UGT2A2: variants seen among roughly 807,000 people sequenced by gnomAD.
The protein encoded by UGT2A2 is UDP-glucuronosyltransferase 2A2.
Under a neutral mutation model 50.7 loss-of-function variants are expected in UGT2A2, and 60 were observed. The observed-to-expected ratio is 1.18, with a 90% CI of 0.96 to 1.47. UGT2A2 has a LOEUF of 1.47. UGT2A2 is among the 40% of genes most tolerant of loss of function. The pLI is 0.00. For synonymous variants in UGT2A2, 242 were observed against 214.6 expected, an observed-to-expected ratio of 1.13 and a Z score of -1.11; for missense variants, 762 against 634.0, an observed-to-expected ratio of 1.20 and a Z score of -2.17.
At chr4:69,637,745 T>G (rs753034056) in intron 1 of UGT2A2, among the ~76,000 whole-genome samples, 2 of 152,154 alleles carry the variant, frequency 1.3e-5, no homozygotes, top group Non-Finnish European at 2.9e-5. Flanking sequence ...AGAATGTAAG[T>G]TCCATGAGAT....
At position 69,639,613 on chromosome 4, in the gene UGT2A2, G is replaced by A. The variant is rs1169537846; in HGVS notation, c.28C>T (p.Pro10Ser). 3 of 1,598,592 alleles carry A rather than the reference G, an allele frequency of 1.9e-6. No homozygotes were observed. The highest frequency in any genetic ancestry group is 4.5e-5 in the East Asian group (2 of 44,788). MVSIRDFTM[P>S]KKFVQMLVFN... ...ACCAGCATCTGGACAAACTTCTTAG[G>A]CATGGTAAAATCCCTTATGGAAACC... The change falls in exon 1 of 6, where the codon CCT (proline) becomes TCT (serine). Residue 10 changes from proline to serine, a missense_variant. Physicochemically the swap from Pro to Ser is moderately conservative, Grantham distance 74. Coordinates refer to ENST00000604629, the MANE Select transcript of UGT2A2 (RefSeq NM_001105677.2).
chr4:69,595,042 AAAT>A, intron 4 of UGT2A2, 117 bp downstream of exon 4: 1 of 1,365,676 alleles, frequency 7.3e-7, no homozygotes, highest in Non-Finnish European at 1.0e-6. Flanking sequence ...ATCTGCTTTA[AAAT>A]TGAGTGTCAA....
At chr4:69,613,050 T>A (rs1720162544) in intron 1 of UGT2A2, among the ~76,000 whole-genome samples, 1 of 125,158 alleles carries the variant, frequency 8.0e-6, no homozygotes, top group Admixed American at 7.7e-5. Flanking sequence ...ACAAATAACC[T>A]CACTAAAAAA....
intron 4 of UGT2A2, 106 bp downstream of exon 4, chr4:69,595,056 A>G: frequency 6.9e-7 from 1 of 1,439,420 alleles, no homozygotes; most frequent in South Asian, 1.2e-5. Flanking sequence ...TGAGTGTCAA[A>G]TAACATTTTA....
At position 69,622,079 on chromosome 4, in the gene UGT2A2, T is replaced by C. The variant is rs1336882247; in HGVS notation, c.742+16820A>G. On this transcript the variant is annotated intron_variant, in intron 1 of 5. Coordinates refer to ENST00000604629, the MANE Select transcript of UGT2A2 (RefSeq NM_001105677.2). ...AGTACTAGGCTTAATACCTGGGTCA[T>C]GGAATAGTCAGTACAACCAACCCCT... 4.6e-5 allele frequency among the ~76,000 whole-genome samples: 7 copies of C among 151,912 alleles called. No individual in the cohort carries two copies. In the South Asian group the frequency reaches 8.3e-4, roughly 18 times the overall value.
intron 1 of UGT2A2, among the ~76,000 whole-genome samples, chr4:69,627,177 A>G (rs1310663707): frequency 6.6e-6 from 1 of 151,932 alleles, no homozygotes; most frequent in Non-Finnish European, 1.5e-5. Flanking sequence ...AATTTTTAAC[A>G]GTAAAAATCC....
In UGT2A2 at chr4:69,590,692, ATAAG is replaced by A. The variant is rs573787235; in HGVS notation, c.1332-1045_1332-1042del. On this transcript the variant is annotated intron_variant, in intron 5 of 5. Transcript: ENST00000604629. ...GTCTGTCTGTCTAGTGAAAAAGAAT[ATAAG>A]TAAGTAATTTCACATGGATCATCCG... is the stretch of plus-strand genomic sequence containing the variant. Among the ~76,000 whole-genome samples the A allele has an allele frequency of 4.7e-4, 71 of 152,116 alleles. 2 individuals are homozygous for A. The highest frequency in any genetic ancestry group is 3.7e-3 in the South Asian group (18 of 4,812).
At chr4:69,622,612 A>T (rs1720816399) in intron 1 of UGT2A2, among the ~76,000 whole-genome samples, 1 of 151,754 alleles carries the variant, frequency 6.6e-6, no homozygotes, top group African/African-American at 2.4e-5. Context: ...TTATATATGC[A>T]TTGGATATTG....
intron 1 of UGT2A2, among the ~76,000 whole-genome samples, chr4:69,633,692 A>G (rs1159625178): frequency 1.3e-5 from 2 of 152,226 alleles, no homozygotes; most frequent in African/African-American, 2.4e-5. Flanking sequence ...TAAGCAAGAT[A>G]CAAAGGAGTA....
At chr4:69,598,433 C>A (rs1577949295) in intron 2 of UGT2A2, among the ~76,000 whole-genome samples, 3 of 151,994 alleles carry the variant, frequency 2.0e-5, no homozygotes, top group African/African-American at 7.2e-5. Flanking sequence ...TTCTTATATT[C>A]CACATTTCTT....
intron 5 of UGT2A2, among the ~76,000 whole-genome samples, chr4:69,590,213 A>T (rs1339719906): frequency 6.6e-6 from 1 of 152,106 alleles, no homozygotes; most frequent in Non-Finnish European, 1.5e-5. Context: ...GAACAAAAAT[A>T]CTCTGGTGAT....
intron 1 of UGT2A2, among the ~76,000 whole-genome samples, chr4:69,625,460 T>G (rs544962378): frequency 2.8e-4 from 42 of 151,204 alleles, no homozygotes; most frequent in Non-Finnish European, 5.6e-4. Context: ...GAAGTGATTA[T>G]TTCTCTTTAT....
chr4:69,598,593 C>T (rs1294712490), intron 2 of UGT2A2, among the ~76,000 whole-genome samples: 2 of 152,080 alleles, frequency 1.3e-5, no homozygotes, highest in Non-Finnish European at 2.9e-5. Flanking sequence ...TCTAATGCTT[C>T]CTGCTTGAAT....
In UGT2A2 at chr4:69,599,244, ACCT is replaced by A; in HGVS notation, c.890_891+1del. ...TAAAATCCTCCACTGTTGTAGACCT[ACCT>A]TAGGTAAAGGTTTGGCAGGTTTGCA... On this transcript the variant is annotated splice_donor_variant and coding_sequence_variant, in exon 2 of 6. Transcript: ENST00000604629. LOFTEE classifies it high-confidence loss of function. 1 of 1,613,142 alleles carries A rather than the reference ACCT, an allele frequency of 6.2e-7. No homozygotes were observed. Among genetic ancestry groups the A allele is most frequent in the Non-Finnish European group, 8.5e-7 (1 of 1,179,666 alleles).
intron 1 of UGT2A2, among the ~76,000 whole-genome samples, chr4:69,633,658 T>C (rs1721510476): frequency 6.6e-6 from 1 of 152,172 alleles, no homozygotes; most frequent in Non-Finnish European, 1.5e-5. Flanking sequence ...TGTACGAATT[T>C]CAAAAACATA....
chr4:69,633,964 G>A (rs893239862), intron 1 of UGT2A2, among the ~76,000 whole-genome samples: 10 of 152,164 alleles, frequency 6.6e-5, no homozygotes, highest in Non-Finnish European at 1.0e-4. Context: ...TTAAAAACCC[G>A]GCCGCGCGCG....
chr4:69,619,421 A>G (rs187763383), intron 1 of UGT2A2, among the ~76,000 whole-genome samples: 2,488 of 66,094 alleles, frequency 0.038, 34 homozygotes, highest in Non-Finnish European at 0.056. Context: ...ACATAAATAC[A>G]TAAAATAAAA....
At chr4:69,608,624 G>A (rs1719831409) in intron 1 of UGT2A2, among the ~76,000 whole-genome samples, 1 of 151,484 alleles carries the variant, frequency 6.6e-6, no homozygotes, top group Non-Finnish European at 1.5e-5. Flanking sequence ...AAGAAGGAAG[G>A]AGGGAAAAAA....
intron 1 of UGT2A2, among the ~76,000 whole-genome samples, chr4:69,600,083 AG>A (rs1719180536): frequency 6.6e-6 from 1 of 152,188 alleles, no homozygotes; most frequent in African/African-American, 2.4e-5. Context: ...CTTTGAAAAA[AG>A]TGGTGGGCAG....
Sources: gnomAD v4.1 joint callset for allele counts (sites outside exome capture counted in the v4.1 genomes callset) on GRCh38, gnomAD v4.1.1 for gene constraint, MANE v1.5 for transcripts, NCBI Gene and HGNC (gene_info 2026-07-23, HGNC 2026-07-21) for gene names.